The following PPP1R13B variants were observed in gnomAD, a reference collection of about 807,000 sequenced individuals.
PPP1R13B encodes the protein apoptosis-stimulating of p53 protein 1.
PPP1R13B carries 44 observed loss-of-function variants against 119.8 expected under a neutral mutation model. The ratio of observed to expected loss-of-function variants is 0.37; its 90% CI spans 0.29 to 0.47. PPP1R13B has a LOEUF of 0.47. Ranked by LOEUF, PPP1R13B falls within the 20% of genes least tolerant of loss-of-function variation. PPP1R13B has a pLI of 0.99. For missense variants in PPP1R13B, 1,227 were observed against 1,413.5 expected (o/e 0.87, Z 2.12); for synonymous variants, 542 against 561.5 (o/e 0.97, Z 0.49).
intron 1 of PPP1R13B, among the ~76,000 whole-genome samples, chr14:103,823,066 C>T (rs888120686): frequency 1.3e-5 from 2 of 151,992 alleles, no homozygotes; most frequent in Non-Finnish European, 2.9e-5. Context: ...TGGCCGGGCA[C>T]AGTGGCTCAC....
At chr14:103,797,095 C>T (rs1272148843) in intron 2 of PPP1R13B, among the ~76,000 whole-genome samples, 1 of 141,840 alleles carries the variant, frequency 7.1e-6, no homozygotes, top group East Asian at 2.0e-4. Flanking sequence ...GAGATACTGT[C>T]TCAAAAAAAA....
chr14:103,830,702 T>C lies in PPP1R13B; in HGVS notation c.9+16597A>G, dbSNP rs1278342934. Among the ~76,000 whole-genome samples the C allele has an allele frequency of 2.6e-5, 4 of 152,324 alleles. No homozygotes were observed. In the East Asian group the frequency reaches 7.7e-4, roughly 29 times the overall value. ...TCCTTAAGGAATTAATTCTTATGAA[T>C]GGCAGCATTCTCTGAATGGCTGGGG... On this transcript the variant is annotated intron_variant, in intron 1 of 16. Coordinates refer to ENST00000202556, the MANE Select transcript of PPP1R13B (RefSeq NM_015316.3).
chr14:103,787,203 CTT>C (rs948299568), intron 2 of PPP1R13B, among the ~76,000 whole-genome samples: 2 of 151,846 alleles, frequency 1.3e-5, no homozygotes, highest in African/African-American at 4.8e-5. Flanking sequence ...AATCCCAACA[CTT>C]TGGGAGGCTA....
intron 1 of PPP1R13B, among the ~76,000 whole-genome samples, chr14:103,812,876 T>C (rs2086194068): frequency 6.6e-6 from 1 of 152,216 alleles, no homozygotes; most frequent in Non-Finnish European, 1.5e-5. Context: ...ACTACACACC[T>C]ACTAGAATGG....
intron 1 of PPP1R13B, among the ~76,000 whole-genome samples, chr14:103,799,109 C>T (rs1377716739): frequency 6.6e-6 from 1 of 152,184 alleles, no homozygotes; most frequent in Non-Finnish European, 1.5e-5. Context: ...AAGCAATTTT[C>T]CTGCCTTGGC....
rs557740354 is a variant in PPP1R13B at position 103,742,541 on chromosome 14, A to G, written c.1320+113T>C. On this transcript the variant is annotated intron_variant, in intron 10 of 16. Transcript: ENST00000202556. The surrounding 1 kb of genome is among the most constrained non-coding windows in gnomAD (Gnocchi z 4.9). Reference sequence around the variant, plus strand: ...TAGGACTTTGGGTGTTGTCTGGACAATAACAGGATTAACTTGCCTCCTGAC... The same window carrying G: ...TAGGACTTTGGGTGTTGTCTGGACAGTAACAGGATTAACTTGCCTCCTGAC... 4.9e-6 allele frequency: 7 copies of G among 1,424,798 alleles called. No individual in the cohort carries two copies. In the East Asian group the frequency reaches 1.4e-4, roughly 28 times the overall value. The allele number at this position is 1,424,798 out of a possible 1,614,324, so 88.3% of individuals were successfully genotyped here.
chr14:103,817,087 G>C (rs552002175), intron 1 of PPP1R13B, among the ~76,000 whole-genome samples: 1 of 152,150 alleles, frequency 6.6e-6, no homozygotes, highest in South Asian at 2.1e-4. Context: ...AAGCAAAAGC[G>C]AAGTGTGGAA....
intron 2 of PPP1R13B, among the ~76,000 whole-genome samples, chr14:103,786,597 T>A (rs772846000): frequency 2.0e-5 from 3 of 151,660 alleles, no homozygotes; most frequent in Non-Finnish European, 4.4e-5. Flanking sequence ...AAACCCTGTC[T>A]CTACTAAAAA....
chr14:103,772,167 G>A (rs532204943), intron 4 of PPP1R13B, among the ~76,000 whole-genome samples: 2 of 113,044 alleles, frequency 1.8e-5, no homozygotes, highest in South Asian at 5.3e-4. Context: ...GCATGTATTA[G>A]TAGTTCATTT....
intron 1 of PPP1R13B, among the ~76,000 whole-genome samples, chr14:103,833,423 C>T (rs1220137291): frequency 1.3e-5 from 2 of 152,100 alleles, no homozygotes; most frequent in African/African-American, 4.8e-5. Context: ...GCGAGTGGAT[C>T]ACCTGAGGTC....
At chr14:103,777,987 C>T (rs941551219) in intron 4 of PPP1R13B, among the ~76,000 whole-genome samples, 3 of 149,110 alleles carry the variant, frequency 2.0e-5, no homozygotes, top group African/African-American at 4.9e-5. Context: ...GAATTTCGCT[C>T]GTTGCCCAGG....
In PPP1R13B at chr14:103,797,499, A is replaced by G. The variant is rs2085787529; in HGVS notation, c.29T>C (p.Leu10Ser). The G allele has an allele frequency of 6.2e-7, 1 of 1,612,654 alleles. No individual in the cohort carries two copies. Among genetic ancestry groups the G allele is most frequent in the East Asian group, 2.2e-5 (1 of 44,848 alleles). The change falls in exon 2 of 17, where the codon TTG becomes TCG. Residue 10 changes from leucine to serine, a missense_variant. Physicochemically the swap from Leu to Ser is moderately radical, Grantham distance 145. Transcript: ENST00000202556. MMPMILTVF[L>S]SNNEQILTEV... is the part of the protein sequence containing the mutation. ...TGTTAAAATCTGTTCATTGTTGCTC[A>G]AGAAAACAGTTAATATCATCTGTAA... is the stretch of plus-strand genomic sequence containing the variant.
At chr14:103,748,640 T>A (rs2084459637) in intron 8 of PPP1R13B, among the ~76,000 whole-genome samples, 1 of 152,188 alleles carries the variant, frequency 6.6e-6, no homozygotes, top group Admixed American at 6.5e-5. Context: ...AATCACTGAG[T>A]GCCACAGGTG....
chr14:103,735,868 CCTCCCCCTCTACAGAGGG>C (rs2084095222), intron 16 of PPP1R13B, 117 bp downstream of exon 16: 7 of 968,094 alleles, frequency 7.2e-6, no homozygotes, highest in African/African-American at 1.6e-5. Flanking sequence ...CAAGTAGGCA[CCTCCCCCTCTACAGAGGG>C]GGCTGCTGAG....
chr14:103,828,434 T>C (rs1053260597), intron 1 of PPP1R13B, among the ~76,000 whole-genome samples: 110 of 151,908 alleles, frequency 7.2e-4, no homozygotes, highest in African/African-American at 2.6e-3. Context: ...TTACCTTTTA[T>C]GTAACATAAA....
In PPP1R13B at chr14:103,738,499, GA is replaced by G; in HGVS notation, c.2864+179del. 1 of 942,550 alleles carries G rather than the reference GA, an allele frequency of 1.1e-6. No homozygotes were observed. The highest frequency in any genetic ancestry group is 1.6e-6 in the Non-Finnish European group (1 of 642,572). The allele number at this position is 942,550 out of a possible 1,614,324, so 58.4% of individuals were successfully genotyped here. On this transcript the variant is annotated intron_variant, in intron 14 of 16. Transcript: ENST00000202556. The surrounding 1 kb of genome is among the most constrained non-coding windows in gnomAD (Gnocchi z 5.6). ...CACGTTTTTAACAAAATCATCAAGA[GA>G]AAAGGCTGGAAAAAAAGGCAAGGAA... is the stretch of plus-strand genomic sequence containing the variant.
chr14:103,797,463 A>G lies in PPP1R13B; in HGVS notation c.65T>C (p.Ile22Thr). 6.2e-7 allele frequency: 1 copy of G among 1,613,872 alleles called. No homozygotes were observed. The highest frequency in any genetic ancestry group is 8.5e-7 in the Non-Finnish European group (1 of 1,179,806). Residue 22 changes from isoleucine to threonine, a missense_variant, in exon 2 of 17, where the codon ATA becomes ACA. By Grantham distance (89) the Ile-to-Thr change is moderately conservative. Coordinates refer to ENST00000202556, the MANE Select transcript of PPP1R13B (RefSeq NM_015316.3). Reference protein sequence around the residue: ...NNEQILTEVPITPETTCRDVV... With the variant: ...NNEQILTEVPTTPETTCRDVV... ...ATCTCGACAGGTTGTTTCCGGTGTT[A>G]TAGGAACTTCTGTTAAAATCTGTTC... is the stretch of plus-strand genomic sequence containing the variant.
At chr14:103,763,066 G>C (rs556618824) in intron 4 of PPP1R13B, 1 of 1,250,220 alleles carries the variant, frequency 8.0e-7, no homozygotes, top group African/African-American at 1.5e-5. Context: ...TAAAAGATTC[G>C]TTGTCACCAG....
chr14:103,839,853 C>G lies in PPP1R13B; in HGVS notation c.9+7446G>C, dbSNP rs192821845. On this transcript the variant is annotated intron_variant, in intron 1 of 16. Transcript: ENST00000202556. ...TTTCTTGAGCTATGATAATTACAAT[C>G]ACAACATGTGGCATAAATCATGATT... is the stretch of plus-strand genomic sequence containing the variant. 1.1e-4 allele frequency among the ~76,000 whole-genome samples: 16 copies of G among 152,298 alleles called. No individual in the cohort carries two copies. In the East Asian group the frequency reaches 3.1e-3, roughly 29 times the overall value.
Sources: gnomAD v4.1 joint callset for allele counts (sites outside exome capture counted in the v4.1 genomes callset) on GRCh38, gnomAD v4.1.1 for gene constraint, Gnocchi (gnomAD v3.1) non-coding constraint, MANE v1.5 for transcripts, NCBI Gene and HGNC (gene_info 2026-07-23, HGNC 2026-07-21) for gene names.